The following CABP7 variants were observed in gnomAD, a reference collection of about 807,000 sequenced individuals.
CABP7 encodes calcium-binding protein 7.
Under a neutral mutation model 23.1 loss-of-function variants are expected in CABP7, and 13 were observed. That is an observed-to-expected ratio of 0.56 (90% confidence interval 0.37 to 0.90). CABP7 has a LOEUF of 0.90. Among genes scored for constraint, CABP7 ranks in the 40% least tolerant of loss-of-function variants. CABP7 has a pLI of 0.01. For missense variants in CABP7, 248 were observed against 295.6 expected, an observed-to-expected ratio of 0.84 and a Z score of 1.18; for synonymous variants, 123 against 115.3, an observed-to-expected ratio of 1.07 and a Z score of -0.43.
chr22:29,723,769 C>T (rs569788597), intron 1 of CABP7, among the ~76,000 whole-genome samples: 9 of 152,210 alleles, frequency 5.9e-5, no homozygotes, highest in South Asian at 2.1e-4. Flanking sequence ...TGGTGGGGCA[C>T]GGGGCCAGTG....
Position 29,729,485 on chromosome 22 carries a change from T to A in CABP7, c.564T>A (p.Ser188Arg). Reference protein sequence around the residue: ...QQIRQTCVRKSLICAFAIAFI... With the variant: ...QQIRQTCVRKRLICAFAIAFI... ...TCCGCCAGACTTGCGTGCGCAAGAG[T>A]CTCATCTGCGCCTTCGCCATCGCCT... The change falls in exon 5 of 5, where the codon AGT (serine) becomes AGA (arginine). Residue 188 changes from serine (S) to arginine (R), a missense_variant. By Grantham distance (110) the Ser-to-Arg change is moderately radical. Transcript: ENST00000216144. 1 of 1,612,046 alleles carries A rather than the reference T, an allele frequency of 6.2e-7. No individual in the cohort carries two copies. Among genetic ancestry groups the A allele is most frequent in the Non-Finnish European group, 8.5e-7 (1 of 1,179,918 alleles).
chr22:29,727,489 C>G lies in CABP7; in HGVS notation c.110-173C>G, dbSNP rs1357385041. On this transcript the variant is annotated intron_variant, in intron 1 of 4. Coordinates refer to ENST00000216144, the MANE Select transcript of CABP7 (RefSeq NM_182527.3). This position sits in a 1 kb window ranked among gnomAD's most constrained non-coding sequence, Gnocchi z 4.2. ...GCCCTGCTCAGCCTGCCCAGAGGTCCCAGAATACGGCACCCTTGTGCACCC... is the reference window on the plus strand; with the variant it reads ...GCCCTGCTCAGCCTGCCCAGAGGTCGCAGAATACGGCACCCTTGTGCACCC... Among the ~76,000 whole-genome samples, 1 of 152,196 alleles carries G rather than the reference C, an allele frequency of 6.6e-6. No homozygotes were observed. The highest frequency in any genetic ancestry group is 1.5e-5 in the Non-Finnish European group (1 of 68,034).
rs1002793148 is a variant in CABP7, at chr22:29,727,776, A to G, written c.224A>G (p.Glu75Gly). 6.2e-7 allele frequency: 1 copy of G among 1,611,954 alleles called. No individual in the cohort carries two copies. Among genetic ancestry groups the G allele is most frequent in the Non-Finnish European group, 8.5e-7 (1 of 1,178,960 alleles). Residue 75 changes from glutamate (E) to glycine (G), a missense_variant, in exon 2 of 5, where the codon GAG (glutamate) becomes GGG (glycine). Coordinates refer to ENST00000216144, the MANE Select transcript of CABP7 (RefSeq NM_182527.3). The surrounding 1 kb of genome is among the most constrained non-coding windows in gnomAD (Gnocchi z 4.2). ...LGYMPNEVEL[E>G]VIIQRLDMDG... is the part of the protein sequence containing the mutation. ...TACATGCCCAACGAGGTGGAGCTGG[A>G]GGTCATCATCCAGCGGCTGGACATG...
rs1213903516 is a variant in CABP7, at chr22:29,727,333, TC to T, written c.110-327del. On this transcript the variant is annotated intron_variant, in intron 1 of 4. Coordinates refer to ENST00000216144, the MANE Select transcript of CABP7 (RefSeq NM_182527.3). The surrounding 1 kb of genome is among the most constrained non-coding windows in gnomAD (Gnocchi z 4.2). The stretch of plus-strand genomic sequence containing the variant: ...TCAGCAGCCGCGGGGGCCGGGGAGA[TC>T]CAGCATCCTCCCCTGCACGTGGTCC... Among the ~76,000 whole-genome samples, 1 of 151,826 alleles carries T rather than the reference TC, an allele frequency of 6.6e-6. No individual in the cohort carries two copies. The highest frequency in any genetic ancestry group is 1.5e-5 in the Non-Finnish European group (1 of 67,966).
chr22:29,720,601 AGGGGCGCGGGGGCGG>A lies in CABP7; in HGVS notation c.109+75_109+89del. The stretch of plus-strand genomic sequence containing the variant: ...TGTGCGCCCAGGTGAAGCGCGGGCC[AGGGGCGCGGGGGCGG>A]GGGGCGGGGGGCGGTCCGCAGGTGC... On this transcript the variant is annotated intron_variant, in intron 1 of 4. Transcript: ENST00000216144. This position sits in a 1 kb window ranked among gnomAD's most constrained non-coding sequence, Gnocchi z 5.2. 2.9e-6 allele frequency: 3 copies of A among 1,019,708 alleles called. No homozygotes were observed. Among genetic ancestry groups the A allele is most frequent in the South Asian group, 3.4e-5 (2 of 58,492 alleles). 63.2% of individuals were successfully genotyped at this position (1,019,708 alleles called of 1,614,324 possible).
chr22:29,725,555 C>G (rs1377966302), intron 1 of CABP7, among the ~76,000 whole-genome samples: 1 of 152,220 alleles, frequency 6.6e-6, no homozygotes, highest in Non-Finnish European at 1.5e-5. Flanking sequence ...AGTGCACAAT[C>G]CAGCGTGGCC....
chr22:29,728,936 G>A, intron 3 of CABP7, 119 bp from the exon 4 acceptor site: 2 of 1,341,008 alleles, frequency 1.5e-6, no homozygotes, highest in South Asian at 1.3e-5. Flanking sequence ...TGGGGGAATG[G>A]AGCAAGTGTT....
In CABP7 at chr22:29,725,327, G is replaced by A. The variant is rs144039415; in HGVS notation, c.110-2335G>A. On this transcript the variant is annotated intron_variant, in intron 1 of 4. Transcript: ENST00000216144. The stretch of plus-strand genomic sequence containing the variant: ...GTCCCCTAACCAGGATTGTTCGTGG[G>A]CTCTGAGTAGCGGCTTCACAGCAAG... Among the ~76,000 whole-genome samples, 879 of 152,286 alleles carry A rather than the reference G, an allele frequency of 5.8e-3. 5 individuals are homozygous for A. The highest frequency in any genetic ancestry group is 0.018 in the African/African-American group (740 of 41,560).
intron 2 of CABP7, among the ~76,000 whole-genome samples, chr22:29,728,032 A>G (rs2067809183): frequency 6.6e-6 from 1 of 152,254 alleles, no homozygotes; most frequent in South Asian, 2.1e-4. Flanking sequence ...CAGGGCTCAG[A>G]GATGGCTCCT....
At chr22:29,729,012 G>A in intron 3 of CABP7, 43 bp from the exon 4 acceptor site, 4 of 1,596,352 alleles carry the variant, frequency 2.5e-6, no homozygotes, top group Non-Finnish European at 3.4e-6. Context: ...CTGGGTGGGG[G>A]CTGCGGTGGC....
In CABP7 at chr22:29,727,540, C is replaced by A; in HGVS notation, c.110-122C>A. On this transcript the variant is annotated intron_variant, in intron 1 of 4. Coordinates refer to ENST00000216144, the MANE Select transcript of CABP7 (RefSeq NM_182527.3). This position sits in a 1 kb window ranked among gnomAD's most constrained non-coding sequence, Gnocchi z 4.2. ...TCGGGCCATGCTCTCACCAGATCTGCAGGCTCTGGGTTGGGCTCTCAAGGC... is the reference window on the plus strand; with the variant it reads ...TCGGGCCATGCTCTCACCAGATCTGAAGGCTCTGGGTTGGGCTCTCAAGGC... The A allele has an allele frequency of 1.6e-6, 2 of 1,220,646 alleles. No homozygotes were observed. Among genetic ancestry groups the A allele is most frequent in the Non-Finnish European group, 2.4e-6 (2 of 845,072 alleles). The allele number at this position is 1,220,646 out of a possible 1,614,324, so 75.6% of individuals were successfully genotyped here.
rs909681859 is a variant in CABP7, at chr22:29,731,806, T to A, written c.*2237T>A. The A allele has an allele frequency of 2.0e-5, 3 of 153,004 alleles. No homozygotes were observed. Among genetic ancestry groups the A allele is most frequent in the South Asian group, 2.1e-4 (1 of 4,862 alleles). The allele number at this position is 153,004 out of a possible 1,614,324, so 9.5% of individuals were successfully genotyped here. On this transcript the variant is annotated 3_prime_UTR_variant, in exon 5 of 5. Transcript: ENST00000216144. ...AAAATATATAAAATATATAAATGCA[T>A]AAAAAAATCCTGGAAGACACAGCAA...
At chr22:29,725,299 C>T (rs1480611919) in intron 1 of CABP7, among the ~76,000 whole-genome samples, 2 of 152,144 alleles carry the variant, frequency 1.3e-5, no homozygotes, top group East Asian at 3.9e-4. Context: ...TGGAAATGAA[C>T]GTGTCCCCTA....
At chr22:29,728,605 T>C (rs1203847023) in intron 2 of CABP7, 25 bp from the exon 3 acceptor site, 2 of 1,460,982 alleles carry the variant, frequency 1.4e-6, no homozygotes, top group East Asian at 4.5e-5. Context: ...TACCCACTGA[T>C]TGATTGGACC....
At chr22:29,722,550 TG>T (rs2067768927) in intron 1 of CABP7, among the ~76,000 whole-genome samples, 1 of 152,206 alleles carries the variant, frequency 6.6e-6, no homozygotes, top group African/African-American at 2.4e-5. Context: ...TCTGGCCCAG[TG>T]GGCAGCTACA....
At chr22:29,729,391 C>T (rs929177715) in intron 4 of CABP7, 51 bp from the exon 5 acceptor site, 51 of 1,597,794 alleles carry the variant, frequency 3.2e-5, no homozygotes, top group East Asian at 6.7e-5. Context: ...CTGACTCCAT[C>T]GCTTTGATGT....
Position 29,720,608 on chromosome 22 carries a change from C to CGGGGGCG in CABP7, c.109+91_109+97dup, listed in dbSNP as rs924484750. On this transcript the variant is annotated intron_variant, in intron 1 of 4. Coordinates refer to ENST00000216144, the MANE Select transcript of CABP7 (RefSeq NM_182527.3). This position sits in a 1 kb window ranked among gnomAD's most constrained non-coding sequence, Gnocchi z 5.2. ...CCAGGTGAAGCGCGGGCCAGGGGCG[C>CGGGGGCG]GGGGGCGGGGGGCGGGGGGCGGTCC... 3.0e-5 allele frequency: 26 copies of CGGGGGCG among 872,614 alleles called. No homozygotes were observed. The highest frequency in any genetic ancestry group is 2.2e-4 in the East Asian group (6 of 26,972). 54.1% of individuals were successfully genotyped at this position (872,614 alleles called of 1,614,324 possible).
chr22:29,722,591 C>T (rs547552043), intron 1 of CABP7, among the ~76,000 whole-genome samples: 2 of 152,374 alleles, frequency 1.3e-5, no homozygotes, highest in Admixed American at 6.5e-5. Flanking sequence ...CCATGACCAG[C>T]CCCCTTCTTG....
In CABP7 at chr22:29,727,817, C is replaced by T. The variant is rs1371348293; in HGVS notation, c.253+12C>T. 2 of 1,600,722 alleles carry T rather than the reference C, an allele frequency of 1.2e-6. No individual in the cohort carries two copies. Among genetic ancestry groups the T allele is most frequent in the South Asian group, 1.1e-5 (1 of 89,998 alleles). ...GCTGGACATGGATGGTGAGCACCCC[C>T]CCGCCTCGGTTTCCCCACCTGGCAT... is the stretch of plus-strand genomic sequence containing the variant. On this transcript the variant is annotated intron_variant, in intron 2 of 4. Coordinates refer to ENST00000216144, the MANE Select transcript of CABP7 (RefSeq NM_182527.3). This position sits in a 1 kb window ranked among gnomAD's most constrained non-coding sequence, Gnocchi z 4.2.
Sources: gnomAD v4.1 joint callset for allele counts (sites outside exome capture counted in the v4.1 genomes callset) on GRCh38, gnomAD v4.1.1 for gene constraint, Gnocchi (gnomAD v3.1) non-coding constraint, MANE v1.5 for transcripts, NCBI Gene and HGNC (gene_info 2026-07-23, HGNC 2026-07-21) for gene names.